Variants in NSL1 observed in about 807,000 individuals in gnomAD.
NSL1 encodes NSL1 component of MIS12 kinetochore complex, also known as kinetochore-associated protein NSL1 homolog.
A neutral mutation model predicts 25.4 loss-of-function variants in NSL1; 11 were observed. That is an observed-to-expected ratio of 0.43 (90% confidence interval 0.27 to 0.72). The LOEUF is 0.72. Among genes scored for constraint, NSL1 ranks in the 30% least tolerant of loss-of-function variants. The pLI, the probability that NSL1 is intolerant of heterozygous loss-of-function variation, is 0.19. For synonymous variants in NSL1, 118 were observed against 120.6 expected (o/e 0.98, Z 0.14); for missense variants, 330 against 342.7 (o/e 0.96, Z 0.29).
intron 4 of NSL1, among the ~76,000 whole-genome samples, chr1:212,781,268 C>A (rs184129510): frequency 1.3e-5 from 2 of 152,222 alleles, no homozygotes; most frequent in South Asian, 4.2e-4. Flanking sequence ...GTTTTCCCTA[C>A]GATAAAACGG....
intron 4 of NSL1, among the ~76,000 whole-genome samples, chr1:212,742,845 T>G (rs1401385072): frequency 6.6e-6 from 1 of 152,170 alleles, no homozygotes; most frequent in East Asian, 1.9e-4. Flanking sequence ...TTTTTAATAT[T>G]TAGTTTGACA....
chr1:212,769,715 G>C (rs1467938508), intron 4 of NSL1, among the ~76,000 whole-genome samples: 3 of 151,972 alleles, frequency 2.0e-5, no homozygotes, highest in South Asian at 2.1e-4. Context: ...AAACGAGAGA[G>C]AGAGAAAAAA....
In NSL1 at chr1:212,733,078, T is replaced by C. The variant is rs1234117022; in HGVS notation, c.*5330A>G. Among the ~76,000 whole-genome samples the C allele has an allele frequency of 6.6e-6, 1 of 152,134 alleles. No homozygotes were observed. The highest frequency in any genetic ancestry group is 1.5e-5 in the Non-Finnish European group (1 of 68,026). ...CTTTTAAACTGTATTGTTCAATGGT[T>C]TTCAGTATATTCAACAAGCAGTCGT... On this transcript the variant is annotated 3_prime_UTR_variant, in exon 6 of 6. Transcript: ENST00000366977.
intron 4 of NSL1, among the ~76,000 whole-genome samples, chr1:212,745,967 AAAAC>A (rs535616293): frequency 1.1e-4 from 17 of 152,236 alleles, no homozygotes; most frequent in South Asian, 4.1e-4. Context: ...CCCCATCTCA[AAAAC>A]AAACAAACAA....
chr1:212,766,341 G>T, intron 4 of NSL1: 1 of 463,584 alleles, frequency 2.2e-6, no homozygotes, highest in South Asian at 4.1e-5. Flanking sequence ...AGAGCAATCA[G>T]ACAAGAGAAA....
At position 212,732,232 on chromosome 1, in the gene NSL1, A is replaced by C. The variant is rs1189223635; in HGVS notation, c.*6176T>G. 1.2e-5 allele frequency: 12 copies of C among 981,196 alleles called. No homozygotes were observed. Among genetic ancestry groups the C allele is most frequent in the Non-Finnish European group, 1.5e-5 (12 of 826,732 alleles). The allele number at this position is 981,196 out of a possible 1,614,324, so 60.8% of individuals were successfully genotyped here. On this transcript the variant is annotated 3_prime_UTR_variant, in exon 6 of 6. Transcript: ENST00000366977. ...ATATTACAAAACATCTCCTTTATAC[A>C]ATTTTCTGCATAGTTAACATTATCA... is the stretch of plus-strand genomic sequence containing the variant.
chr1:212,779,718 A>C (rs71515165), intron 4 of NSL1, among the ~76,000 whole-genome samples: 1 of 16,620 alleles, frequency 6.0e-5, no homozygotes, highest in East Asian at 1.7e-3. Flanking sequence ...CAGCCGCCCC[A>C]TCCGGGAGGG....
chr1:212,759,594 C>G (rs1356323584), intron 4 of NSL1, among the ~76,000 whole-genome samples: 1 of 152,054 alleles, frequency 6.6e-6, no homozygotes, highest in Non-Finnish European at 1.5e-5. Flanking sequence ...ACCTCACATA[C>G]CCCCAAGGCC....
At chr1:212,766,249 A>C (rs1558053702) in intron 4 of NSL1, 3 of 650,536 alleles carry the variant, frequency 4.6e-6, no homozygotes, top group Non-Finnish European at 8.4e-6. Flanking sequence ...GAATGGGGAA[A>C]AGTTGAAAGC....
At chr1:212,761,593 C>T (rs1659567122) in intron 4 of NSL1, among the ~76,000 whole-genome samples, 2 of 151,812 alleles carry the variant, frequency 1.3e-5, no homozygotes, top group South Asian at 4.2e-4. Flanking sequence ...GTGACTGTGC[C>T]ACTGCACTCC....
chr1:212,780,641 C>T (rs1660695493), intron 4 of NSL1, among the ~76,000 whole-genome samples: 1 of 151,992 alleles, frequency 6.6e-6, no homozygotes, highest in Non-Finnish European at 1.5e-5. Flanking sequence ...ACTTTTAAGG[C>T]CCATAGAAAT....
chr1:212,727,009 T>G lies in NSL1; in HGVS notation c.*11399A>C. ...CTGTGTCCTCTCAGAGGCCCTCCAG[T>G]CCAGTCTACTCCGGCCTTGGAGATG... On this transcript the variant is annotated 3_prime_UTR_variant, in exon 6 of 6. Coordinates refer to ENST00000366977, the MANE Select transcript of NSL1 (RefSeq NM_015471.4). 1 of 1,130,090 alleles carries G rather than the reference T, an allele frequency of 8.8e-7. No homozygotes were observed. The highest frequency in any genetic ancestry group is 1.2e-6 in the Non-Finnish European group (1 of 802,548). The allele number at this position is 1,130,090 out of a possible 1,614,324, so 70.0% of individuals were successfully genotyped here.
intron 4 of NSL1, 79 bp downstream of exon 4, chr1:212,782,293 C>A (rs1386372538): frequency 2.1e-6 from 2 of 969,890 alleles, no homozygotes; most frequent in Non-Finnish European, 3.4e-6. Flanking sequence ...TTGATGCTGA[C>A]CCTTTTAGAA....
chr1:212,759,855 C>A (rs1487829970), intron 4 of NSL1, among the ~76,000 whole-genome samples: 1 of 152,146 alleles, frequency 6.6e-6, no homozygotes, highest in Non-Finnish European at 1.5e-5. Flanking sequence ...GGAGGCTGCC[C>A]GTGGGACAGA....
intron 4 of NSL1, among the ~76,000 whole-genome samples, chr1:212,781,496 A>G (rs974698560): frequency 7.2e-5 from 11 of 152,070 alleles, no homozygotes; most frequent in Admixed American, 2.0e-4. Context: ...ACAATAAGTG[A>G]TGTGATTTTA....
At chr1:212,745,185 TATATATATATATATATATGC>T (rs1216548346) in intron 4 of NSL1, among the ~76,000 whole-genome samples, 12 of 21,078 alleles carry the variant, frequency 5.7e-4, no homozygotes, top group African/African-American at 8.9e-4. Context: ...TATATATATA[TATATATATATATATATATGC>T]ATATGCATAT....
Position 212,738,668 on chromosome 1 carries a change from C to G in NSL1, c.586G>C (p.Glu196Gln). The G allele has an allele frequency of 1.2e-6, 2 of 1,613,508 alleles. No individual in the cohort carries two copies. Among genetic ancestry groups the G allele is most frequent in the Non-Finnish European group, 1.7e-6 (2 of 1,179,718 alleles). ...ACTTGGGAAAATCCCTCTCCTTGTT[C>G]AATTAATGCAGGCAAGGACTTCAAA... ...EAMKSLPALIEQGEGFSQVLR... is the reference protein window; with the variant it reads ...EAMKSLPALIQQGEGFSQVLR... Residue 196 changes from glutamate to glutamine, a missense_variant, in exon 6 of 6, where the codon GAA becomes CAA. Physicochemically the swap from Glu to Gln is conservative, Grantham distance 29. Coordinates refer to ENST00000366977, the MANE Select transcript of NSL1 (RefSeq NM_015471.4).
Position 212,727,991 on chromosome 1 carries a change from A to G in NSL1, c.*10417T>C, listed in dbSNP as rs1657856855. On this transcript the variant is annotated 3_prime_UTR_variant, in exon 6 of 6. Transcript: ENST00000366977. The stretch of plus-strand genomic sequence containing the variant: ...GGCCTTTGCTGTGAACCACGGGGAG[A>G]AGGTGGAAGCAGAGTTTGTGGTCAG... 4 of 985,232 alleles carry G rather than the reference A, an allele frequency of 4.1e-6. No homozygotes were observed. The Admixed American group carries it at 1.8e-4, about 45-fold the overall frequency. 61.0% of individuals were successfully genotyped at this position (985,232 alleles called of 1,614,324 possible).
At chr1:212,742,504 T>C (rs1658551584) in intron 4 of NSL1, among the ~76,000 whole-genome samples, 1 of 152,206 alleles carries the variant, frequency 6.6e-6, no homozygotes, top group Non-Finnish European at 1.5e-5. Context: ...AAAAGTGTAG[T>C]GTCAAAATTA....
Sources: allele counts gnomAD v4.1 joint callset (sites outside exome capture counted in the v4.1 genomes callset), GRCh38; gene constraint gnomAD v4.1.1; transcripts MANE v1.5; gene names NCBI Gene and HGNC (gene_info 2026-07-23, HGNC 2026-07-21).